PARVA: variants seen among roughly 807,000 people sequenced by gnomAD.
PARVA encodes alpha-parvin.
Under a neutral mutation model 52.6 loss-of-function variants are expected in PARVA, and 25 were observed. The observed-to-expected ratio is 0.48, with a 90% confidence interval of 0.35 to 0.66. The LOEUF is 0.66. Among genes scored for constraint, PARVA ranks in the 30% least tolerant of loss-of-function variants. PARVA has a pLI of 0.01. For missense variants in PARVA, 373 were observed against 450.9 expected (o/e 0.83, Z 1.56); for synonymous variants, 185 against 179.1 (o/e 1.03, Z -0.26).
At chr11:12,512,566 G>A (rs1035362848) in intron 8 of PARVA, among the ~76,000 whole-genome samples, 1 of 152,222 alleles carries the variant, frequency 6.6e-6, no homozygotes, top group African/African-American at 2.4e-5. Context: ...GAGAATCCCT[G>A]CAGGGAGCAT....
In PARVA at chr11:12,518,404, G is replaced by C. The variant is rs770005592; in HGVS notation, c.970-41G>C. On this transcript the variant is annotated intron_variant, in intron 11 of 12. Transcript: ENST00000334956. ...CCCAGGGCCAGGTCCTGGGGCTCCTGGGTGTGCAATGGTACATGCTGTCTG... is the reference window on the plus strand; with the variant it reads ...CCCAGGGCCAGGTCCTGGGGCTCCTCGGTGTGCAATGGTACATGCTGTCTG... 90 of 1,505,514 alleles carry C rather than the reference G, an allele frequency of 6.0e-5. No individual in the cohort carries two copies. In the South Asian group the frequency reaches 8.8e-4, roughly 15 times the overall value. 93.3% of individuals were successfully genotyped at this position (1,505,514 alleles called of 1,614,324 possible). A position where few individuals can be genotyped will look rare whatever the true frequency, so the allele number is the denominator to read the frequency against.
At chr11:12,464,651 T>C (rs779910036) in intron 1 of PARVA, among the ~76,000 whole-genome samples, 42 of 152,234 alleles carry the variant, frequency 2.8e-4, no homozygotes, top group Non-Finnish European at 5.1e-4. Context: ...CATTCCATCC[T>C]TGGGTCCTCT....
upstream of PARVA, among the ~76,000 whole-genome samples, chr11:12,376,981 A>G (rs1442733879): frequency 6.6e-6 from 1 of 152,200 alleles, no homozygotes; most frequent in Non-Finnish European, 1.5e-5. Flanking sequence ...TTACAAGAAT[A>G]AGAAGCCTCG....
chr11:12,402,243 C>T (rs1301044383), intron 1 of PARVA, among the ~76,000 whole-genome samples: 1 of 152,162 alleles, frequency 6.6e-6, no homozygotes, highest in Non-Finnish European at 1.5e-5. Context: ...GGGAGAAAGC[C>T]ATAGGCACAG....
chr11:12,488,571 C>G (rs1214282610), intron 4 of PARVA, among the ~76,000 whole-genome samples: 1 of 152,106 alleles, frequency 6.6e-6, no homozygotes, highest in African/African-American at 2.4e-5. Flanking sequence ...TTCGAGCCCC[C>G]TGAATAGAGC....
At chr11:12,491,909 C>T (rs564109844) in intron 4 of PARVA, among the ~76,000 whole-genome samples, 14 of 152,250 alleles carry the variant, frequency 9.2e-5, no homozygotes, top group African/African-American at 2.4e-4. Flanking sequence ...GAACACTTAA[C>T]GAAATTTGAC....
chr11:12,377,327 C>T, upstream of PARVA: 1 of 967,164 alleles, frequency 1.0e-6, no homozygotes, highest in Non-Finnish European at 1.4e-6. Flanking sequence ...TGAAGCTTTC[C>T]GGCTCGACCG....
intron 1 of PARVA, among the ~76,000 whole-genome samples, chr11:12,408,548 G>A (rs962706881): frequency 3.3e-5 from 5 of 152,130 alleles, no homozygotes; most frequent in African/African-American, 7.2e-5. Context: ...TGGTTCCTTC[G>A]GAGGCTGGGG....
At chr11:12,458,870 G>GAGCCCCAGTAGGGATTA (rs1272639919) in intron 1 of PARVA, among the ~76,000 whole-genome samples, 1 of 152,214 alleles carries the variant, frequency 6.6e-6, no homozygotes, top group Non-Finnish European at 1.5e-5. Flanking sequence ...GTTTCTCAGA[G>GAGCCCCAGTAGGGATTA]AGCCCCAGTA....
At chr11:12,484,390 T>C (rs1179065560) in intron 4 of PARVA, among the ~76,000 whole-genome samples, 2 of 152,140 alleles carry the variant, frequency 1.3e-5, no homozygotes, top group African/African-American at 4.8e-5. Flanking sequence ...CTTCCAGGGC[T>C]CTTCTTTCTG....
intron 1 of PARVA, among the ~76,000 whole-genome samples, chr11:12,470,842 T>G (rs1286825821): frequency 6.6e-6 from 1 of 152,148 alleles, no homozygotes; most frequent in Non-Finnish European, 1.5e-5. Flanking sequence ...TTGTAGAACA[T>G]TCTCGCTGCA....
At chr11:12,439,117 G>C (rs1477301474) in intron 1 of PARVA, among the ~76,000 whole-genome samples, 1 of 152,208 alleles carries the variant, frequency 6.6e-6, no homozygotes, top group African/African-American at 2.4e-5. Context: ...AGTGACAGAG[G>C]AGACCACTAG....
intron 1 of PARVA, among the ~76,000 whole-genome samples, chr11:12,437,629 A>G (rs771559084): frequency 2.0e-5 from 3 of 152,188 alleles, no homozygotes; most frequent in Non-Finnish European, 2.9e-5. Context: ...GAGAGTGGAT[A>G]TAGGGATGAT....
intron 1 of PARVA, among the ~76,000 whole-genome samples, chr11:12,450,270 A>T (rs1465301295): frequency 1.3e-5 from 2 of 152,206 alleles, no homozygotes; most frequent in Non-Finnish European, 2.9e-5. Flanking sequence ...CATGGAATAG[A>T]TATTCTCTAA....
At chr11:12,419,252 T>C (rs1424822537) in intron 1 of PARVA, among the ~76,000 whole-genome samples, 2 of 152,126 alleles carry the variant, frequency 1.3e-5, no homozygotes, top group East Asian at 3.9e-4. Context: ...TGAAACCCTA[T>C]ACCCATTAAA....
Position 12,435,970 on chromosome 11 carries a change from G to T in PARVA, c.137-37775G>T, listed in dbSNP as rs531861880. The stretch of plus-strand genomic sequence containing the variant: ...CCTGAGTAGCTGGGACTACAGGCGC[G>T]TACCACCACACACAGCTAATTTTTT... On this transcript the variant is annotated intron_variant, in intron 1 of 12. Coordinates refer to ENST00000334956, the MANE Select transcript of PARVA (RefSeq NM_018222.5). 2.0e-5 allele frequency among the ~76,000 whole-genome samples: 3 copies of T among 151,896 alleles called. No homozygotes were observed. The South Asian group carries it at 6.2e-4, about 32-fold the overall frequency.
At chr11:12,426,284 T>C (rs1222046811) in intron 1 of PARVA, among the ~76,000 whole-genome samples, 3 of 152,086 alleles carry the variant, frequency 2.0e-5, no homozygotes, top group Non-Finnish European at 4.4e-5. Context: ...TGAAGCTGGG[T>C]GAAGAAGCCT....
rs755395777 is a variant in PARVA, at chr11:12,403,401, C to T, written c.136+25618C>T. Reference sequence around the variant, plus strand: ...ACACAACCTTTAGGGAAGCTGAAGGCTTTTGCATGGTGATGATAGGAGGCC... The same window carrying T: ...ACACAACCTTTAGGGAAGCTGAAGGTTTTTGCATGGTGATGATAGGAGGCC... On this transcript the variant is annotated intron_variant, in intron 1 of 12. Coordinates refer to ENST00000334956, the MANE Select transcript of PARVA (RefSeq NM_018222.5). Among the ~76,000 whole-genome samples, 15 of 152,224 alleles carry T rather than the reference C, an allele frequency of 9.9e-5. 1 individual carries two copies. Among genetic ancestry groups the T allele is most frequent in the Non-Finnish European group, 1.5e-4 (10 of 68,026 alleles).
intron 4 of PARVA, among the ~76,000 whole-genome samples, chr11:12,493,871 G>A (rs1941263333): frequency 6.6e-6 from 1 of 152,152 alleles, no homozygotes; most frequent in South Asian, 2.1e-4. Context: ...TGATACTACT[G>A]TCCCAAACTT....
Sources: allele counts gnomAD v4.1 joint callset (sites outside exome capture counted in the v4.1 genomes callset), GRCh38; gene constraint gnomAD v4.1.1; transcripts MANE v1.5; gene names NCBI Gene and HGNC (gene_info 2026-07-23, HGNC 2026-07-21).